The following ZNF611 variants were observed in gnomAD, a reference collection of about 807,000 sequenced individuals.
ZNF611 encodes the protein zinc finger protein 611.
Under a neutral mutation model 8.9 loss-of-function variants are expected in ZNF611, and 6 were observed. The observed-to-expected ratio is 0.68, with a 90% CI of 0.37 to 1.34. The LOEUF (loss-of-function observed/expected upper bound fraction) is 1.34, where lower values mean the gene tolerates loss of function less well. Among genes scored for constraint, ZNF611 ranks in the 40% most tolerant of loss-of-function variants. The pLI, the probability that ZNF611 is intolerant of heterozygous loss-of-function variation, is 0.02. For missense variants in ZNF611, 874 were observed against 841.3 expected (o/e 1.04, Z -0.48); for synonymous variants, 262 against 279.7 (o/e 0.94, Z 0.63).
At chr19:52,714,418 C>T (rs1460209489) in intron 4 of ZNF611, among the ~76,000 whole-genome samples, 5 of 152,064 alleles carry the variant, frequency 3.3e-5, no homozygotes, top group Admixed American at 6.6e-5. Flanking sequence ...CCAGGCATGG[C>T]AGTTCACGCT....
chr19:52,704,718 ATGG>A lies in ZNF611; in HGVS notation c.*216_*218del. ...GTTTCCCTACACCATGAATTGCCTG[ATGG>A]TGAATAAGTGTTGACTGCTTGCCAA... On this transcript the variant is annotated 3_prime_UTR_variant, in exon 6 of 6. Coordinates refer to ENST00000652185, the MANE Select transcript of ZNF611 (RefSeq NM_001161499.2). 1 of 1,599,414 alleles carries A rather than the reference ATGG, an allele frequency of 6.3e-7. No individual in the cohort carries two copies. Among genetic ancestry groups the A allele is most frequent in the East Asian group, 2.2e-5 (1 of 44,822 alleles).
chr19:52,727,093 T>C (rs2062398142), intron 3 of ZNF611, among the ~76,000 whole-genome samples: 1 of 152,002 alleles, frequency 6.6e-6, no homozygotes, highest in African/African-American at 2.4e-5. Context: ...CTAGAACTCC[T>C]GACTTCAAGT....
chr19:52,729,515 AAAAG>A (rs1568610189), intron 2 of ZNF611, among the ~76,000 whole-genome samples: 3 of 148,112 alleles, frequency 2.0e-5, no homozygotes, highest in African/African-American at 7.5e-5. Context: ...AAAAAAAAAA[AAAAG>A]AAAAGAAAGA....
At chr19:52,717,924 T>C (rs750376349) in intron 3 of ZNF611, among the ~76,000 whole-genome samples, 3 of 152,202 alleles carry the variant, frequency 2.0e-5, no homozygotes, top group Non-Finnish European at 4.4e-5. Flanking sequence ...TGATAAAGAC[T>C]AGAAAGCACA....
At chr19:52,709,550 G>A (rs1190840401) in intron 5 of ZNF611, among the ~76,000 whole-genome samples, 3 of 151,908 alleles carry the variant, frequency 2.0e-5, no homozygotes, top group East Asian at 1.9e-4. Flanking sequence ...GATTACAGGC[G>A]TGAGCCACCA....
At chr19:52,711,249 T>C (rs2147422710) in intron 5 of ZNF611, 1 of 152,206 alleles carries the variant, frequency 6.6e-6, no homozygotes. Flanking sequence ...GGAGAACCAT[T>C]TGAATCCGGG....
chr19:52,715,467 T>A (rs1480454568), intron 4 of ZNF611, among the ~76,000 whole-genome samples: 1 of 152,204 alleles, frequency 6.6e-6, no homozygotes, highest in Non-Finnish European at 1.5e-5. Context: ...TAACCACACA[T>A]CTGTGCACAT....
In ZNF611 at chr19:52,705,465, T is replaced by TATCTTATGTGTCTCAAGGCTTG. The variant is rs1327036180; in HGVS notation, c.1568_1589dup (p.Gly531LysfsTer3). ...TGTATGGTTTCTCTCCAGTATGACC[T>TATCTTATGTGTCTCAAGGCTTG]ATCTTATGTGTCTCAAGGCTTGATT... On this transcript the variant is annotated stop_gained and frameshift_variant, in exon 6 of 6. Transcript: ENST00000652185. LOFTEE classifies it low-confidence loss of function (END_TRUNC). 1.9e-6 allele frequency: 3 copies of TATCTTATGTGTCTCAAGGCTTG among 1,614,096 alleles called. No individual in the cohort carries two copies. Among genetic ancestry groups the TATCTTATGTGTCTCAAGGCTTG allele is most frequent in the Non-Finnish European group, 2.5e-6 (3 of 1,180,040 alleles).
At chr19:52,720,596 T>TCCTCACCTCCCAGATGGGGCA (rs2062351198) in intron 3 of ZNF611, among the ~76,000 whole-genome samples, 88 of 32,730 alleles carry the variant, frequency 2.7e-3, no homozygotes, top group Non-Finnish European at 3.2e-3. Context: ...ACGGGGCAGC[T>TCCTCACCTCCCAGATGGGGCA]GCTGGGCAGA....
intron 1 of ZNF611, among the ~76,000 whole-genome samples, chr19:52,734,184 TAGG>T (rs758009482): frequency 4.9e-5 from 5 of 101,862 alleles, no homozygotes; most frequent in Admixed American, 1.0e-4. Flanking sequence ...CCTGCTTTCT[TAGG>T]TTTTTTTTTT....
intron 3 of ZNF611, among the ~76,000 whole-genome samples, chr19:52,727,956 C>T (rs2062402909): frequency 7.3e-6 from 1 of 137,634 alleles, no homozygotes; most frequent in Non-Finnish European, 1.5e-5. Context: ...GTTGCCCAGG[C>T]TGCAGTGCAG....
chr19:52,729,282 C>T (rs1184453683), intron 2 of ZNF611, among the ~76,000 whole-genome samples: 1 of 151,782 alleles, frequency 6.6e-6, no homozygotes, highest in Non-Finnish European at 1.5e-5. Flanking sequence ...TAACCAAAAT[C>T]AATGGAAATG....
rs543687905 is a variant in ZNF611 at position 52,731,282 on chromosome 19, G to A, written c.-221-1277C>T. Among the ~76,000 whole-genome samples, 371 of 152,268 alleles carry A rather than the reference G, an allele frequency of 2.4e-3. 1 individual carries two copies. The highest frequency in any genetic ancestry group is 5.7e-3 in the Admixed American group (87 of 15,298). Reference sequence around the variant, plus strand: ...GGGTTTCATCATGTAGGCCAGGCTGGTCTCAAACTCCTGACCTTAAGTGAT... The same window carrying A: ...GGGTTTCATCATGTAGGCCAGGCTGATCTCAAACTCCTGACCTTAAGTGAT... On this transcript the variant is annotated intron_variant, in intron 1 of 5. Transcript: ENST00000652185.
chr19:52,713,891 CAAAAACA>C (rs1600313849), intron 5 of ZNF611, 117 bp downstream of exon 5: 13 of 1,542,566 alleles, frequency 8.4e-6, no homozygotes, highest in African/African-American at 5.6e-5. Flanking sequence ...AACACCATCT[CAAAAACA>C]AAAAACAAAA....
At position 52,705,398 on chromosome 19, in the gene ZNF611, G is replaced by C. The variant is rs1385827184; in HGVS notation, c.1657C>G (p.Leu553Val). 1.9e-6 allele frequency: 3 copies of C among 1,614,042 alleles called. No individual in the cohort carries two copies. Among genetic ancestry groups the C allele is most frequent in the African/African-American group, 1.3e-5 (1 of 74,924 alleles). Reference sequence around the variant, plus strand: ...CTATGAATTCTAGTATGTTTTGCCAGATAGGAATGACACGCAAAAGCCTTG... The same window carrying C: ...CTATGAATTCTAGTATGTTTTGCCACATAGGAATGACACGCAAAAGCCTTG... ...CDKAFACHSY[L>V]AKHTRIHSGE... The change falls in exon 6 of 6, where the codon CTG becomes GTG. Residue 553 changes from leucine to valine, a missense_variant. Coordinates refer to ENST00000652185, the MANE Select transcript of ZNF611 (RefSeq NM_001161499.2).
rs2147414207 is a variant in ZNF611, at chr19:52,705,248, A to T, written c.1807T>A (p.Phe603Ile). The T allele has an allele frequency of 6.2e-7, 1 of 1,614,140 alleles. No individual in the cohort carries two copies. Among genetic ancestry groups the T allele is most frequent in the South Asian group, 1.1e-5 (1 of 91,066 alleles). ...PYKCNECSKT[F>I]SRRSSLHCHR... ...CAATGAAGGGATGACCTGCGACTGA[A>T]GGTCTTGCTGCACTCATTACACTTG... is the stretch of plus-strand genomic sequence containing the variant. The change falls in exon 6 of 6, where the codon TTC becomes ATC. Residue 603 changes from phenylalanine (F) to isoleucine (I), a missense_variant. Coordinates refer to ENST00000652185, the MANE Select transcript of ZNF611 (RefSeq NM_001161499.2).
chr19:52,732,163 C>T (rs113556984), intron 1 of ZNF611, among the ~76,000 whole-genome samples: 3 of 147,530 alleles, frequency 2.0e-5, no homozygotes, highest in Non-Finnish European at 3.0e-5. Flanking sequence ...CCAGCTACTC[C>T]GGAGGCTGAG....
At chr19:52,713,868 G>T in intron 5 of ZNF611, 147 bp downstream of exon 5, 1 of 1,478,426 alleles carries the variant, frequency 6.8e-7, no homozygotes, top group Non-Finnish European at 9.0e-7. Context: ...TCCAGCCTCG[G>T]CAATAGGAGC....
intron 3 of ZNF611, among the ~76,000 whole-genome samples, chr19:52,727,424 C>A (rs990449206): frequency 7.2e-5 from 11 of 152,062 alleles, no homozygotes; most frequent in African/African-American, 2.7e-4. Flanking sequence ...ACTAATCAGT[C>A]CTCAGGGAAG....
Sources: allele counts gnomAD v4.1 joint callset (sites outside exome capture counted in the v4.1 genomes callset), GRCh38; gene constraint gnomAD v4.1.1; transcripts MANE v1.5; gene names NCBI Gene and HGNC (gene_info 2026-07-23, HGNC 2026-07-21).